Variants in IGSF3 observed in about 807,000 individuals in gnomAD.
IGSF3 encodes the protein immunoglobulin superfamily member 3, also known as glu-Trp-Ile EWI motif-containing protein 3.
IGSF3 carries 23 observed loss-of-function variants against 114.4 expected under a neutral mutation model. That is an observed-to-expected ratio of 0.20 (90% CI 0.14 to 0.28). IGSF3 has a LOEUF of 0.28. Among genes scored for constraint, IGSF3 ranks in the 10% least tolerant of loss-of-function variants. The pLI, the probability that IGSF3 is intolerant of heterozygous loss-of-function variation, is 1.00. For synonymous variants in IGSF3, 571 were observed against 645.2 expected, an observed-to-expected ratio of 0.88 and a Z score of 1.74; for missense variants, 1,172 against 1,591.5, an observed-to-expected ratio of 0.74 and a Z score of 4.48.
rs1406615335 is a variant in IGSF3, at chr1:116,575,875, T to C, written c.*1437A>G. The C allele has an allele frequency of 6.6e-6, 1 of 151,828 alleles. No homozygotes were observed. Among genetic ancestry groups the C allele is most frequent in the African/African-American group, 2.4e-5 (1 of 41,254 alleles). The allele number at this position is 151,828 out of a possible 1,614,324, so 9.4% of individuals were successfully genotyped here. A position where few individuals can be genotyped will look rare whatever the true frequency, so the allele number is the denominator to read the frequency against. ...TTAAAATAAAAAGCCACCATAACAATGAACAACCAAACAACCTAGAACCAC... is the reference window on the plus strand; with the variant it reads ...TTAAAATAAAAAGCCACCATAACAACGAACAACCAAACAACCTAGAACCAC... On this transcript the variant is annotated 3_prime_UTR_variant, in exon 11 of 11. Coordinates refer to ENST00000369486, the MANE Select transcript of IGSF3 (RefSeq NM_001007237.3). This position sits in a 1 kb window ranked among gnomAD's most constrained non-coding sequence, Gnocchi z 5.6.
At position 116,585,414 on chromosome 1, in the gene IGSF3, G is replaced by C. The variant is rs1659797092; in HGVS notation, c.2441-362C>G. On this transcript the variant is annotated intron_variant, in intron 8 of 10. Coordinates refer to ENST00000369486, the MANE Select transcript of IGSF3 (RefSeq NM_001007237.3). This position sits in a 1 kb window ranked among gnomAD's most constrained non-coding sequence, Gnocchi z 4.9. The stretch of plus-strand genomic sequence containing the variant: ...CAGGTGGCTGGGAAGGGCGGGGGAA[G>C]GGGATGGTGAGAAACCTCTGAAAAG... Among the ~76,000 whole-genome samples the C allele has an allele frequency of 6.6e-6, 1 of 152,220 alleles. No individual in the cohort carries two copies. Among genetic ancestry groups the C allele is most frequent in the South Asian group, 2.1e-4 (1 of 4,836 alleles).
intron 4 of IGSF3, among the ~76,000 whole-genome samples, chr1:116,609,992 A>G (rs1660953716): frequency 6.6e-6 from 1 of 152,066 alleles, no homozygotes; most frequent in African/African-American, 2.4e-5. Context: ...ACTTCCTGAC[A>G]GGGAAAACCA....
At chr1:116,641,495 C>CAAAAAAAAAAAAAAAA in intron 2 of IGSF3, among the ~76,000 whole-genome samples, 1 of 40,684 alleles carries the variant, frequency 2.5e-5, no homozygotes, top group Non-Finnish European at 4.8e-5. Context: ...GACTCTGTCT[C>CAAAAAAAAAAAAAAAA]AAAAAAAAAA....
In IGSF3 at chr1:116,596,151, G is replaced by A. The variant is rs753332759; in HGVS notation, c.2029+3790C>T. ...CAGCAGGTGGCTCCAGCAGGGACGA[G>A]TCTGGGGCACAGACCACAAAGAAGC... On this transcript the variant is annotated intron_variant, in intron 7 of 10. Transcript: ENST00000369486. This position sits in a 1 kb window ranked among gnomAD's most constrained non-coding sequence, Gnocchi z 4.1. Among the ~76,000 whole-genome samples, 5 of 152,212 alleles carry A rather than the reference G, an allele frequency of 3.3e-5. No homozygotes were observed. Among genetic ancestry groups the A allele is most frequent in the African/African-American group, 4.8e-5 (2 of 41,448 alleles).
rs896574202 is a variant in IGSF3, at chr1:116,665,198, C to A, written c.43+1086G>T. Among the ~76,000 whole-genome samples, 3 of 152,104 alleles carry A rather than the reference C, an allele frequency of 2.0e-5. No homozygotes were observed. The highest frequency in any genetic ancestry group is 2.0e-4 in the Admixed American group (3 of 15,270). ...TCTAATTCTAAAGTCCATTCTCTTCCCACACACCTGTTACCTACTGCAAGG... is the reference window on the plus strand; with the variant it reads ...TCTAATTCTAAAGTCCATTCTCTTCACACACACCTGTTACCTACTGCAAGG... On this transcript the variant is annotated intron_variant, in intron 2 of 10. Coordinates refer to ENST00000369486, the MANE Select transcript of IGSF3 (RefSeq NM_001007237.3). This position sits in a 1 kb window ranked among gnomAD's most constrained non-coding sequence, Gnocchi z 4.0.
chr1:116,613,008 C>T (rs543115989), intron 4 of IGSF3, among the ~76,000 whole-genome samples: 26 of 152,314 alleles, frequency 1.7e-4, no homozygotes, highest in African/African-American at 6.3e-4. Flanking sequence ...AGACATCATG[C>T]AACCTCCTCA....
At chr1:116,580,884 G>A (rs1433518942) in intron 9 of IGSF3, among the ~76,000 whole-genome samples, 4 of 152,196 alleles carry the variant, frequency 2.6e-5, no homozygotes, top group Non-Finnish European at 4.4e-5. Context: ...AACTGGCAAA[G>A]GCCAGGAAGC....
Position 116,588,655 on chromosome 1 carries a change from A to T in IGSF3, c.2440+39T>A, listed in dbSNP as rs778284142. On this transcript the variant is annotated intron_variant, in intron 8 of 10. Coordinates refer to ENST00000369486, the MANE Select transcript of IGSF3 (RefSeq NM_001007237.3). This position sits in a 1 kb window ranked among gnomAD's most constrained non-coding sequence, Gnocchi z 4.9. ...CCACCCCCAGGCAGTCTCTGCACTA[A>T]ACCCACTGGCCCAGGACAGCCGTGC... 6.7e-7 allele frequency: 1 copy of T among 1,497,056 alleles called. No homozygotes were observed. Among genetic ancestry groups the T allele is most frequent in the Non-Finnish European group, 9.0e-7 (1 of 1,105,444 alleles). 92.7% of individuals were successfully genotyped at this position (1,497,056 alleles called of 1,614,324 possible). A position where few individuals can be genotyped will look rare whatever the true frequency, so the allele number is the denominator to read the frequency against.
chr1:116,634,487 C>T lies in IGSF3; in HGVS notation c.44-18030G>A, dbSNP rs943195415. Among the ~76,000 whole-genome samples the T allele has an allele frequency of 2.6e-5, 4 of 152,126 alleles. No homozygotes were observed. Among genetic ancestry groups the T allele is most frequent in the African/African-American group, 9.7e-5 (4 of 41,392 alleles). On this transcript the variant is annotated intron_variant, in intron 2 of 10. Coordinates refer to ENST00000369486, the MANE Select transcript of IGSF3 (RefSeq NM_001007237.3). The surrounding 1 kb of genome is among the most constrained non-coding windows in gnomAD (Gnocchi z 4.2). ...ACCTGGCTTTCCTCCTCTCTCCCTG[C>T]CCACATCTCCTCAGTCACTCGCTGC...
In IGSF3 at chr1:116,628,130, A is replaced by G. The variant is rs910810715; in HGVS notation, c.44-11673T>C. Among the ~76,000 whole-genome samples the G allele has an allele frequency of 6.6e-6, 1 of 152,194 alleles. No homozygotes were observed. Among genetic ancestry groups the G allele is most frequent in the African/African-American group, 2.4e-5 (1 of 41,444 alleles). ...CAGAAGTGGAGAGGATGGAGAAAGG[A>G]TACAAAAAGACACTGTGGGATTTCA... On this transcript the variant is annotated intron_variant, in intron 2 of 10. Transcript: ENST00000369486. The surrounding 1 kb of genome is among the most constrained non-coding windows in gnomAD (Gnocchi z 4.2).
rs1440706219 is a variant in IGSF3 at position 116,636,876 on chromosome 1, C to G, written c.44-20419G>C. Among the ~76,000 whole-genome samples the G allele has an allele frequency of 2.0e-5, 3 of 152,160 alleles. No individual in the cohort carries two copies. The highest frequency in any genetic ancestry group is 7.2e-5 in the African/African-American group (3 of 41,426). On this transcript the variant is annotated intron_variant, in intron 2 of 10. Coordinates refer to ENST00000369486, the MANE Select transcript of IGSF3 (RefSeq NM_001007237.3). The surrounding 1 kb of genome is among the most constrained non-coding windows in gnomAD (Gnocchi z 4.5). ...TGTGACAAATGGCTCCACAGATCTA[C>G]CGGGCCATGGAGCTGAGCAGATGGG... is the stretch of plus-strand genomic sequence containing the variant.
In IGSF3 at chr1:116,613,943, C is replaced by G. The variant is rs1409503325; in HGVS notation, c.654G>C (p.Glu218Asp). 6.2e-7 allele frequency: 1 copy of G among 1,613,950 alleles called. No individual in the cohort carries two copies. The highest frequency in any genetic ancestry group is 8.5e-7 in the Non-Finnish European group (1 of 1,179,842). The change falls in exon 4 of 11, where the codon GAG becomes GAC. Residue 218 changes from glutamate to aspartate, a missense_variant. Glu to Asp is a conservative substitution (Grantham distance 45). Around this residue, in one of 3 missense-constraint regions of IGSF3, gnomAD observed 736 missense variants for 1,042.0 expected, o/e 0.71. Coordinates refer to ENST00000369486, the MANE Select transcript of IGSF3 (RefSeq NM_001007237.3). ...SEYAQRQSLG[E>D]VRLDKLGRTT... is the part of the protein sequence containing the mutation. Reference sequence around the variant, plus strand: ...TCCTCCCCAGCTTGTCCAGCCGCACCTCCCCCAGGCTCTGCCTCTGGGCAT... The same window carrying G: ...TCCTCCCCAGCTTGTCCAGCCGCACGTCCCCCAGGCTCTGCCTCTGGGCAT...
At chr1:116,635,857 T>A (rs1647803731) in intron 2 of IGSF3, among the ~76,000 whole-genome samples, 1 of 152,228 alleles carries the variant, frequency 6.6e-6, no homozygotes, top group Admixed American at 6.5e-5. Flanking sequence ...GCCCAGCTCA[T>A]CCGTCATCTC....
intron 9 of IGSF3, among the ~76,000 whole-genome samples, chr1:116,581,320 CTTTTTTTTTTTTTTT>C (rs955415319): frequency 2.8e-5 from 2 of 70,592 alleles, no homozygotes; most frequent in African/African-American, 1.1e-4. Context: ...GTTTTGCTGT[CTTTTTTTTTTTTTTT>C]TTTTTTTTTT....
Position 116,642,818 on chromosome 1 carries a change from C to A in IGSF3, c.43+23466G>T, listed in dbSNP as rs1245343666. Reference sequence around the variant, plus strand: ...AGCACACAGTAGTAGCAGATGTCAGCAGGGGGCCACCAGGGCCACCTGCCA... The same window carrying A: ...AGCACACAGTAGTAGCAGATGTCAGAAGGGGGCCACCAGGGCCACCTGCCA... On this transcript the variant is annotated intron_variant, in intron 2 of 10. Transcript: ENST00000369486. The surrounding 1 kb of genome is among the most constrained non-coding windows in gnomAD (Gnocchi z 5.4). 6.6e-6 allele frequency among the ~76,000 whole-genome samples: 1 copy of A among 152,180 alleles called. No individual in the cohort carries two copies. The highest frequency in any genetic ancestry group is 1.5e-5 in the Non-Finnish European group (1 of 68,030).
In IGSF3 at chr1:116,598,958, A is replaced by T. The variant is rs903879499; in HGVS notation, c.2029+983T>A. ...ATGCTCCCCAAATTAATGCATCCTT[A>T]TGATCCGCTTTGAGACAGACTCAGC... On this transcript the variant is annotated intron_variant, in intron 7 of 10. Transcript: ENST00000369486. The surrounding 1 kb of genome is among the most constrained non-coding windows in gnomAD (Gnocchi z 4.3). 1.3e-5 allele frequency among the ~76,000 whole-genome samples: 2 copies of T among 152,182 alleles called. No homozygotes were observed. The highest frequency in any genetic ancestry group is 2.9e-5 in the Non-Finnish European group (2 of 68,016).
intron 2 of IGSF3, among the ~76,000 whole-genome samples, chr1:116,630,216 G>C (rs955025907): frequency 6.6e-6 from 1 of 152,194 alleles, no homozygotes; most frequent in Non-Finnish European, 1.5e-5. Context: ...GCCCTGCCCA[G>C]ATGCTGTTAA....
chr1:116,584,980 C>G lies in IGSF3; in HGVS notation c.2513G>C (p.Cys838Ser), dbSNP rs753799657. 6.2e-7 allele frequency: 1 copy of G among 1,601,084 alleles called. No individual in the cohort carries two copies. Among genetic ancestry groups the G allele is most frequent in the Non-Finnish European group, 8.5e-7 (1 of 1,170,564 alleles). ...TATGCTGGTGCGGTTGAGAACCACA[C>G]ACTCCAGCTGTACCTGCCGGGTCTC... ...VLETRQVQLE[C>S]VVLNRTSITS... Residue 838 changes from cysteine (C) to serine (S), a missense_variant, in exon 9 of 11, where the codon TGT becomes TCT. By Grantham distance (112) the Cys-to-Ser change is moderately radical. Around this residue, in one of 3 missense-constraint regions of IGSF3, gnomAD observed 423 missense variants for 509.8 expected, o/e 0.83. Transcript: ENST00000369486. The surrounding 1 kb of genome is among the most constrained non-coding windows in gnomAD (Gnocchi z 5.8).
chr1:116,584,266 T>C lies in IGSF3; in HGVS notation c.2848+379A>G, dbSNP rs769730570. ...AATTCATTGTTTTCTATTTAAAGCATGTAAATCGATTACTTTCCACTGAAA... is the reference window on the plus strand; with the variant it reads ...AATTCATTGTTTTCTATTTAAAGCACGTAAATCGATTACTTTCCACTGAAA... On this transcript the variant is annotated intron_variant, in intron 9 of 10. Coordinates refer to ENST00000369486, the MANE Select transcript of IGSF3 (RefSeq NM_001007237.3). The surrounding 1 kb of genome is among the most constrained non-coding windows in gnomAD (Gnocchi z 5.8). Among the ~76,000 whole-genome samples, 1 of 152,180 alleles carries C rather than the reference T, an allele frequency of 6.6e-6. No individual in the cohort carries two copies. Among genetic ancestry groups the C allele is most frequent in the Non-Finnish European group, 1.5e-5 (1 of 68,026 alleles).
Sources: gnomAD v4.1 joint callset for allele counts (sites outside exome capture counted in the v4.1 genomes callset) on GRCh38, gnomAD v4.1.1 for gene constraint, gnomAD v4.1.1 regional missense constraint, Gnocchi (gnomAD v3.1) non-coding constraint, MANE v1.5 for transcripts, NCBI Gene and HGNC (gene_info 2026-07-23, HGNC 2026-07-21) for gene names.